The following LRRC1 variants were observed in gnomAD, a reference collection of about 807,000 sequenced individuals.
The protein encoded by LRRC1 is leucine rich repeat containing 1.
Under a neutral mutation model 69.9 loss-of-function variants are expected in LRRC1, and 28 were observed. The observed-to-expected ratio is 0.40, with a 90% CI of 0.30 to 0.55. The LOEUF (loss-of-function observed/expected upper bound fraction) is 0.55. Ranked by LOEUF, LRRC1 falls within the 20% of genes least tolerant of loss-of-function variation. LRRC1 has a pLI of 0.47. For missense variants in LRRC1, 498 were observed against 609.0 expected, an observed-to-expected ratio of 0.82 and a Z score of 1.92; for synonymous variants, 236 against 240.2, an observed-to-expected ratio of 0.98 and a Z score of 0.16.
At chr6:53,907,773 CT>C (rs1768287496) in intron 10 of LRRC1, among the ~76,000 whole-genome samples, 2 of 150,126 alleles carry the variant, frequency 1.3e-5, no homozygotes, top group South Asian at 2.1e-4. Flanking sequence ...GGCCTGGAAC[CT>C]TACTTTGTTA....
intron 2 of LRRC1, among the ~76,000 whole-genome samples, chr6:53,844,625 C>T (rs1765883655): frequency 6.6e-6 from 1 of 152,212 alleles, no homozygotes; most frequent in Admixed American, 6.5e-5. Flanking sequence ...TGTTTCTGCT[C>T]CTTGGAACAC....
chr6:53,882,379 G>A (rs1767321835), intron 3 of LRRC1, among the ~76,000 whole-genome samples: 1 of 152,162 alleles, frequency 6.6e-6, no homozygotes, highest in Non-Finnish European at 1.5e-5. Context: ...TTGTCTGTCA[G>A]TGGATCAATA....
At chr6:53,865,133 A>G (rs970077876) in intron 2 of LRRC1, among the ~76,000 whole-genome samples, 6 of 152,154 alleles carry the variant, frequency 3.9e-5, no homozygotes, top group Non-Finnish European at 8.8e-5. Context: ...TAACAAGAAT[A>G]TTAATCTGCT....
At chr6:53,881,459 G>A (rs9395886) in intron 3 of LRRC1, among the ~76,000 whole-genome samples, 125,846 of 152,168 alleles carry the variant, frequency 0.83, 52,243 homozygotes, top group East Asian at 0.96. Context: ...AATGATATAT[G>A]CTTTCTGGTT....
rs537822763 is a variant in LRRC1 at position 53,816,398 on chromosome 6, G to C, written c.159+20983G>C. 5.3e-5 allele frequency among the ~76,000 whole-genome samples: 8 copies of C among 150,898 alleles called. No individual in the cohort carries two copies. The East Asian group carries it at 1.5e-3, about 29-fold the overall frequency. On this transcript the variant is annotated intron_variant, in intron 1 of 13. Coordinates refer to ENST00000370888, the MANE Select transcript of LRRC1 (RefSeq NM_018214.5). ...AGTTCATTACGTGACAGAATATATA[G>C]GTATATTTTAGGATTAGAATTGAAG... is the stretch of plus-strand genomic sequence containing the variant.
Position 53,913,867 on chromosome 6 carries a change from G to A in LRRC1, c.1004G>A (p.Cys335Tyr). The change falls in exon 11 of 14, where the codon TGC (cysteine) becomes TAC (tyrosine). Residue 335 changes from cysteine (C) to tyrosine (Y), a missense_variant. By Grantham distance (194) the Cys-to-Tyr change is radical. Around this residue, in one of 3 missense-constraint regions of LRRC1, gnomAD observed 266 missense variants for 383.9 expected, o/e 0.69. Coordinates refer to ENST00000370888, the MANE Select transcript of LRRC1 (RefSeq NM_018214.5). ...VSLPKEIGGC[C>Y]SLTVFCVRDN... ...TTCTCACCATAGATCGGCGGGTGCT[G>A]CAGCCTCACTGTGTTCTGTGTACGT... 1.3e-6 allele frequency: 2 copies of A among 1,595,550 alleles called. No individual in the cohort carries two copies. Among genetic ancestry groups the A allele is most frequent in the Non-Finnish European group, 8.6e-7 (1 of 1,167,668 alleles).
At position 53,899,900 on chromosome 6, in the gene LRRC1, T is replaced by C. The variant is rs1291721983; in HGVS notation, c.787+9T>C. 1.9e-6 allele frequency: 3 copies of C among 1,613,188 alleles called. No homozygotes were observed. The highest frequency in any genetic ancestry group is 2.5e-6 in the Non-Finnish European group (3 of 1,179,642). On this transcript the variant is annotated intron_variant, in intron 8 of 13. Transcript: ENST00000370888. ...GATTCCGGATGGCATTGGTAAGCATTGGAAATCACTAACTGCTAAACATAC... is the reference window on the plus strand; with the variant it reads ...GATTCCGGATGGCATTGGTAAGCATCGGAAATCACTAACTGCTAAACATAC...
chr6:53,853,394 C>T (rs1243594366), intron 2 of LRRC1, among the ~76,000 whole-genome samples: 1 of 151,026 alleles, frequency 6.6e-6, no homozygotes, highest in Non-Finnish European at 1.5e-5. Flanking sequence ...AAGTGATTCT[C>T]CTGCCTCAGC....
chr6:53,841,540 A>T (rs1765790828), intron 1 of LRRC1, among the ~76,000 whole-genome samples: 1 of 152,082 alleles, frequency 6.6e-6, no homozygotes, highest in South Asian at 2.1e-4. Context: ...ATTTTAATAC[A>T]GTTTTTAAAA....
intron 4 of LRRC1, among the ~76,000 whole-genome samples, chr6:53,885,139 C>A (rs1767431572): frequency 6.6e-6 from 1 of 152,134 alleles, no homozygotes; most frequent in African/African-American, 2.4e-5. Context: ...TTCTCACATA[C>A]CAGAAAGAAA....
intron 2 of LRRC1, among the ~76,000 whole-genome samples, chr6:53,863,256 C>A (rs1766589140): frequency 1.3e-5 from 2 of 152,178 alleles, no homozygotes; most frequent in Non-Finnish European, 2.9e-5. Flanking sequence ...TCCCTGCCCT[C>A]CTCCCTTTAC....
intron 2 of LRRC1, among the ~76,000 whole-genome samples, chr6:53,848,819 G>A (rs1476356221): frequency 1.3e-5 from 2 of 151,616 alleles, no homozygotes; most frequent in South Asian, 2.1e-4. Context: ...GTGCAGTGGC[G>A]CCATCTTGGC....
intron 10 of LRRC1, among the ~76,000 whole-genome samples, chr6:53,907,717 A>G (rs1284308539): frequency 1.3e-5 from 2 of 148,618 alleles, no homozygotes; most frequent in African/African-American, 2.5e-5. Context: ...AAAATATTGG[A>G]CATTTTCTTC....
intron 2 of LRRC1, among the ~76,000 whole-genome samples, chr6:53,874,553 A>C (rs1205967765): frequency 1.3e-5 from 2 of 152,172 alleles, no homozygotes; most frequent in Non-Finnish European, 2.9e-5. Context: ...CATAGATCCA[A>C]ATGTTTTACA....
At chr6:53,845,643 AT>A (rs540632618) in intron 2 of LRRC1, among the ~76,000 whole-genome samples, 189 of 152,176 alleles carry the variant, frequency 1.2e-3, no homozygotes, top group African/African-American at 4.4e-3. Context: ...TTAGTTCTTG[AT>A]TTTGCATTGT....
chr6:53,875,470 G>A (rs1027686054), intron 2 of LRRC1, among the ~76,000 whole-genome samples: 2 of 151,872 alleles, frequency 1.3e-5, no homozygotes, highest in African/African-American at 4.8e-5. Context: ...GTGTGCACAC[G>A]TGTGTGTGTG....
intron 5 of LRRC1, 85 bp from the exon 6 acceptor site, chr6:53,896,744 T>C: frequency 9.9e-7 from 1 of 1,009,766 alleles, no homozygotes; most frequent in South Asian, 1.4e-5. Context: ...GACCTTATTT[T>C]TGAAGCTAGT....
chr6:53,887,861 A>C (rs747841899), intron 4 of LRRC1, among the ~76,000 whole-genome samples: 107 of 152,328 alleles, frequency 7.0e-4, no homozygotes, highest in Non-Finnish European at 1.4e-3. Flanking sequence ...ATGGGAGAGC[A>C]TGCAGTGGGG....
At chr6:53,815,370 C>T (rs1764922329) in intron 1 of LRRC1, among the ~76,000 whole-genome samples, 1 of 152,198 alleles carries the variant, frequency 6.6e-6, no homozygotes, top group African/African-American at 2.4e-5. Context: ...ATGGTTCCAT[C>T]AGGCACGGCA....
Sources: gnomAD v4.1 joint callset for allele counts (sites outside exome capture counted in the v4.1 genomes callset) on GRCh38, gnomAD v4.1.1 for gene constraint, gnomAD v4.1.1 regional missense constraint, MANE v1.5 for transcripts, NCBI Gene and HGNC (gene_info 2026-07-23, HGNC 2026-07-21) for gene names.